GPR158: variants seen among roughly 807,000 people sequenced by gnomAD.
GPR158 encodes the protein G protein-coupled receptor 158, also known as metabotropic glycine receptor.
Under a neutral mutation model 78.2 loss-of-function variants are expected in GPR158, and 30 were observed. The observed-to-expected ratio is 0.38, with a 90% confidence interval of 0.29 to 0.52. The LOEUF (loss-of-function observed/expected upper bound fraction) is 0.52. Among genes scored for constraint, GPR158 ranks in the 20% least tolerant of loss-of-function variants. GPR158 has a pLI of 0.83. For synonymous variants in GPR158, 581 were observed against 591.1 expected, an observed-to-expected ratio of 0.98 and a Z score of 0.25; for missense variants, 1,463 against 1,523.5, an observed-to-expected ratio of 0.96 and a Z score of 0.66.
chr10:25,336,191 TATC>T (rs1413533005), intron 2 of GPR158, among the ~76,000 whole-genome samples: 1 of 152,128 alleles, frequency 6.6e-6, no homozygotes, highest in African/African-American at 2.4e-5. Context: ...CCTGTGTACA[TATC>T]ATAAAAAAGA....
chr10:25,199,680 ACTCT>A (rs76369744), intron 1 of GPR158, among the ~76,000 whole-genome samples: 1 of 151,606 alleles, frequency 6.6e-6, no homozygotes, highest in East Asian at 2.0e-4. Flanking sequence ...CAGTTTCTCC[ACTCT>A]CTCTCTCTTG....
At chr10:25,337,730 T>A (rs1166006424) in intron 2 of GPR158, among the ~76,000 whole-genome samples, 2 of 140,046 alleles carry the variant, frequency 1.4e-5, no homozygotes, top group African/African-American at 6.4e-5. Flanking sequence ...TCTAAAATGA[T>A]TGTATTTGAT....
intron 5 of GPR158, among the ~76,000 whole-genome samples, chr10:25,529,425 A>G (rs1329063459): frequency 6.6e-6 from 1 of 152,172 alleles, no homozygotes; most frequent in Non-Finnish European, 1.5e-5. Context: ...ATCAATGGAC[A>G]TAAAAGATAA....
At chr10:25,345,829 C>T (rs1453716038) in intron 2 of GPR158, among the ~76,000 whole-genome samples, 1 of 151,744 alleles carries the variant, frequency 6.6e-6, no homozygotes, top group Admixed American at 6.6e-5. Flanking sequence ...CCCAGAAAGC[C>T]CCCAGACGAG....
chr10:25,266,441 TGTA>T (rs1854045859), intron 2 of GPR158, among the ~76,000 whole-genome samples: 1 of 152,106 alleles, frequency 6.6e-6, no homozygotes, highest in East Asian at 1.9e-4. Flanking sequence ...GAAGAAGTAA[TGTA>T]GTATATTTTT....
At chr10:25,258,291 A>T (rs1853917694) in intron 2 of GPR158, among the ~76,000 whole-genome samples, 1 of 152,206 alleles carries the variant, frequency 6.6e-6, no homozygotes, top group South Asian at 2.1e-4. Context: ...CATACACTGA[A>T]TGTAGAACTT....
At chr10:25,551,445 C>T (rs147301070) in intron 6 of GPR158, among the ~76,000 whole-genome samples, 162 of 152,282 alleles carry the variant, frequency 1.1e-3, no homozygotes, top group African/African-American at 3.6e-3. Flanking sequence ...GAATCCCATA[C>T]AGAAACACAC....
At chr10:25,296,141 T>C (rs190949364) in intron 2 of GPR158, among the ~76,000 whole-genome samples, 47 of 150,992 alleles carry the variant, frequency 3.1e-4, no homozygotes, top group African/African-American at 1.1e-3. Context: ...GGAACACAAA[T>C]AACGTCAGAG....
rs376782691 is a variant in GPR158, at chr10:25,293,127, T to C, written c.1008+71970T>C. 1.8e-4 allele frequency among the ~76,000 whole-genome samples: 28 copies of C among 152,348 alleles called. No homozygotes were observed. In the East Asian group the frequency reaches 4.8e-3, roughly 26 times the overall value. ...GAAGCTTTGAGATTTTGCAGCTTTT[T>C]CTTTGTGGATTAATTGCAAAAGTTA... On this transcript the variant is annotated intron_variant, in intron 2 of 10. Transcript: ENST00000376351.
At chr10:25,423,529 G>A (rs9418477) in intron 4 of GPR158, among the ~76,000 whole-genome samples, 9 of 151,606 alleles carry the variant, frequency 5.9e-5, no homozygotes, top group Middle Eastern at 3.4e-3. Context: ...AATGCTATCC[G>A]TCCCCCATGC....
At chr10:25,412,047 T>C (rs986108463) in intron 3 of GPR158, among the ~76,000 whole-genome samples, 1 of 151,024 alleles carries the variant, frequency 6.6e-6, no homozygotes, top group Non-Finnish European at 1.5e-5. Context: ...CTTTCAATGA[T>C]GATTTTTAAA....
chr10:25,288,123 C>CAT (rs1334289867), intron 2 of GPR158, among the ~76,000 whole-genome samples: 2 of 152,190 alleles, frequency 1.3e-5, no homozygotes, highest in Non-Finnish European at 2.9e-5. Flanking sequence ...CCATGCTTCA[C>CAT]ATATTAACCC....
intron 5 of GPR158, among the ~76,000 whole-genome samples, chr10:25,511,029 T>C (rs186867539): frequency 3.4e-4 from 52 of 152,328 alleles, no homozygotes; most frequent in African/African-American, 1.2e-3. Flanking sequence ...ATCTTTCTCA[T>C]AGAATGACTT....
chr10:25,456,286 A>G (rs1314181073), intron 4 of GPR158, among the ~76,000 whole-genome samples: 1 of 152,180 alleles, frequency 6.6e-6, no homozygotes, highest in Admixed American at 6.5e-5. Flanking sequence ...GTTGTGTTAC[A>G]TGTAGAGTGT....
At chr10:25,553,475 T>G (rs1223090016) in intron 6 of GPR158, among the ~76,000 whole-genome samples, 1 of 152,148 alleles carries the variant, frequency 6.6e-6, no homozygotes, top group East Asian at 1.9e-4. Flanking sequence ...TCTGTTTTTT[T>G]CTCTATATTG....
chr10:25,341,998 C>T (rs1466145514), intron 2 of GPR158, among the ~76,000 whole-genome samples: 1 of 151,924 alleles, frequency 6.6e-6, no homozygotes, highest in African/African-American at 2.4e-5. Context: ...GTTCCTGATA[C>T]TTATTGCTCT....
At chr10:25,407,307 T>C (rs556193133) in intron 3 of GPR158, among the ~76,000 whole-genome samples, 3 of 152,346 alleles carry the variant, frequency 2.0e-5, no homozygotes, top group East Asian at 1.9e-4. Flanking sequence ...TCTTGTAAAA[T>C]AGAAGGCAGA....
At chr10:25,382,281 A>G (rs1396278719) in intron 2 of GPR158, among the ~76,000 whole-genome samples, 2 of 152,206 alleles carry the variant, frequency 1.3e-5, no homozygotes, top group Non-Finnish European at 2.9e-5. Context: ...CAGCCCCCAC[A>G]AGGCATCTTG....
At chr10:25,411,685 C>G (rs748774188) in intron 3 of GPR158, among the ~76,000 whole-genome samples, 1 of 151,924 alleles carries the variant, frequency 6.6e-6, no homozygotes, top group African/African-American at 2.4e-5. Context: ...CCTATAATCC[C>G]AGCACTTTGG....
Sources: gnomAD v4.1 joint callset for allele counts (sites outside exome capture counted in the v4.1 genomes callset) on GRCh38, gnomAD v4.1.1 for gene constraint, MANE v1.5 for transcripts, NCBI Gene and HGNC (gene_info 2026-07-23, HGNC 2026-07-21) for gene names.